The following EMG1 variants were observed in gnomAD, a reference collection of about 807,000 sequenced individuals.
EMG1 encodes ribosomal RNA small subunit methyltransferase NEP1.
EMG1 carries 24 observed loss-of-function variants against 26.9 expected under a neutral mutation model. The ratio of observed to expected loss-of-function variants is 0.89; its 90% CI spans 0.65 to 1.26. EMG1 has a LOEUF of 1.26. Among genes scored for constraint, EMG1 ranks in the 50% most tolerant of loss-of-function variants. The pLI is 0.00. For synonymous variants in EMG1, 140 were observed against 112.6 expected (o/e 1.24, Z -1.54); for missense variants, 299 against 307.6 (o/e 0.97, Z 0.21).
chr12:6,974,979 A>G, intron 3 of EMG1, 111 bp from the exon 4 acceptor site: 5 of 1,107,210 alleles, frequency 4.5e-6, no homozygotes, highest in Non-Finnish European at 5.5e-6. Flanking sequence ...TCCAGTCTAG[A>G]TATAAAGCAC....
downstream of EMG1, chr12:6,980,867 G>T: frequency 1.4e-6 from 1 of 707,802 alleles, no homozygotes; most frequent in Non-Finnish European, 2.2e-6. Flanking sequence ...GGCACAGAGT[G>T]CCTGTTACAA....
chr12:6,981,953 C>T (rs782572781), downstream of EMG1: 17 of 957,194 alleles, frequency 1.8e-5, no homozygotes, highest in Middle Eastern at 2.1e-4. Context: ...ATTTCTTCTC[C>T]TTGCTCTGAA....
At chr12:6,985,860 C>T (rs1175823348) in intron 6 of EMG1, among the ~76,000 whole-genome samples, 3 of 151,144 alleles carry the variant, frequency 2.0e-5, no homozygotes, top group Non-Finnish European at 3.0e-5. Flanking sequence ...CTGCAACCTC[C>T]GGCCCCTAGG....
downstream of EMG1, chr12:6,983,027 A>G: frequency 1.7e-6 from 1 of 586,112 alleles, no homozygotes; most frequent in Non-Finnish European, 3.2e-6. Context: ...TGTTGTCCAG[A>G]CTTGAGTGCA....
intron 7 of EMG1, among the ~76,000 whole-genome samples, chr12:6,994,497 C>T (rs781939666): frequency 4.0e-5 from 6 of 151,840 alleles, no homozygotes; most frequent in Non-Finnish European, 5.9e-5. Flanking sequence ...CGTGAGCCAC[C>T]GGGCTGTTGC....
At chr12:6,995,426 A>T (rs1946628241) in intron 7 of EMG1, among the ~76,000 whole-genome samples, 1 of 151,400 alleles carries the variant, frequency 6.6e-6, no homozygotes, top group South Asian at 2.1e-4. Flanking sequence ...GTGAGCTGAG[A>T]TCGTCTCACT....
At chr12:6,985,772 T>C (rs1191090972) in intron 6 of EMG1, among the ~76,000 whole-genome samples, 12 of 126,898 alleles carry the variant, frequency 9.5e-5, no homozygotes, top group African/African-American at 4.1e-4. Flanking sequence ...TCAACTGGTG[T>C]TTTTTTTTTT....
intron 1 of EMG1, 63 bp from the exon 2 acceptor site, chr12:6,974,273 TGAA>T (rs2138320562): frequency 1.6e-6 from 2 of 1,246,950 alleles, no homozygotes; most frequent in South Asian, 1.3e-5. Flanking sequence ...GGACCACACT[TGAA>T]GAACCACGGG....
chr12:6,990,761 A>G (rs1056066258), downstream of EMG1, among the ~76,000 whole-genome samples: 1 of 150,526 alleles, frequency 6.6e-6, no homozygotes, highest in Non-Finnish European at 1.5e-5. Context: ...TACTAAAAAT[A>G]CAAAAACCAG....
At chr12:6,981,026 T>A, downstream of EMG1, 1 of 1,602,164 alleles carries the variant, frequency 6.2e-7, no homozygotes, top group Non-Finnish European at 8.5e-7. Flanking sequence ...TTTCCTGGTA[T>A]GTCAATCAGC....
At chr12:6,985,252 C>T (rs924395687) in intron 6 of EMG1, among the ~76,000 whole-genome samples, 12 of 151,690 alleles carry the variant, frequency 7.9e-5, no homozygotes, top group South Asian at 2.1e-4. Flanking sequence ...AAAAATTAGC[C>T]GGGTGTGGTG....
rs1239169493 is a variant in EMG1 at position 6,971,162 on chromosome 12, C to T, written c.168+71C>T. 11 of 1,302,442 alleles carry T rather than the reference C, an allele frequency of 8.4e-6. No individual in the cohort carries two copies. The African/African-American group carries it at 8.7e-5, about 10-fold the overall frequency. The allele number at this position is 1,302,442 out of a possible 1,614,324, so 80.7% of individuals were successfully genotyped here. A position where few individuals can be genotyped will look rare whatever the true frequency, so the allele number is the denominator to read the frequency against. On this transcript the variant is annotated intron_variant, in intron 1 of 5. Coordinates refer to ENST00000599672, the MANE Select transcript of EMG1 (RefSeq NM_006331.8). ...GACTCCGTGGAATGAGGGTAAGGGG[C>T]CCAGAGTGGATGTAGAAAGCAGAGA...
At chr12:6,982,586 T>A, downstream of EMG1, 10 of 936,944 alleles carry the variant, frequency 1.1e-5, no homozygotes, top group Non-Finnish European at 1.7e-5. Flanking sequence ...AAATTAGGTC[T>A]GCTAATTTCT....
intron 1 of EMG1, among the ~76,000 whole-genome samples, chr12:6,971,380 TCTC>T (rs1173070927): frequency 6.6e-6 from 1 of 151,844 alleles, no homozygotes; most frequent in Non-Finnish European, 1.5e-5. Context: ...TTCAAACAGT[TCTC>T]CTGACTCAGC....
downstream of EMG1, among the ~76,000 whole-genome samples, chr12:6,992,783 G>A (rs1326093243): frequency 6.6e-6 from 1 of 151,956 alleles, no homozygotes. Context: ...GTTATCTCTT[G>A]GTGTCCATGA....
chr12:6,978,115 C>T lies in EMG1; in HGVS notation c.*2306C>T, dbSNP rs1946429780. On this transcript the variant is annotated 3_prime_UTR_variant, in exon 6 of 6. Coordinates refer to ENST00000599672, the MANE Select transcript of EMG1 (RefSeq NM_006331.8). Reference sequence around the variant, plus strand: ...AAGTCCATTGGCAGAGCTGGAGTAACACCCAGGTCTTAACGCACTTTTATA... The same window carrying T: ...AAGTCCATTGGCAGAGCTGGAGTAATACCCAGGTCTTAACGCACTTTTATA... 2 of 582,360 alleles carry T rather than the reference C, an allele frequency of 3.4e-6. No individual in the cohort carries two copies. The highest frequency in any genetic ancestry group is 4.4e-5 in the South Asian group (2 of 45,808). 36.1% of individuals were successfully genotyped at this position (582,360 alleles called of 1,614,324 possible). A position where few individuals can be genotyped will look rare whatever the true frequency, so the allele number is the denominator to read the frequency against.
At chr12:6,972,236 A>C (rs1404097451) in intron 1 of EMG1, among the ~76,000 whole-genome samples, 1 of 152,142 alleles carries the variant, frequency 6.6e-6, no homozygotes, top group Non-Finnish European at 1.5e-5. Context: ...TATTAAAAGA[A>C]TAGAAAACAT....
At position 6,977,893 on chromosome 12, in the gene EMG1, CTGAT is replaced by C. The variant is rs1946426374; in HGVS notation, c.*2086_*2089del. On this transcript the variant is annotated 3_prime_UTR_variant, in exon 6 of 6. Transcript: ENST00000599672. This position sits in a 1 kb window ranked among gnomAD's most constrained non-coding sequence, Gnocchi z 4.5. The stretch of plus-strand genomic sequence containing the variant: ...CAGAGGGTACAGGAGGCAGTGCTGA[CTGAT>C]TACTTTTAGAGATGGAAAGCAGACC... 2.2e-6 allele frequency: 2 copies of C among 900,472 alleles called. No individual in the cohort carries two copies. The highest frequency in any genetic ancestry group is 3.4e-6 in the Non-Finnish European group (2 of 585,728). 55.8% of individuals were successfully genotyped at this position (900,472 alleles called of 1,614,324 possible). A position where few individuals can be genotyped will look rare whatever the true frequency, so the allele number is the denominator to read the frequency against.
chr12:6,982,033 A>G, downstream of EMG1: 4 of 625,492 alleles, frequency 6.4e-6, no homozygotes, highest in East Asian at 1.1e-4. Flanking sequence ...ATTCCTACAA[A>G]TGGAGGTGCT....
Sources: gnomAD v4.1 joint callset for allele counts (sites outside exome capture counted in the v4.1 genomes callset) on GRCh38, gnomAD v4.1.1 for gene constraint, Gnocchi (gnomAD v3.1) non-coding constraint, MANE v1.5 for transcripts, NCBI Gene and HGNC (gene_info 2026-07-23, HGNC 2026-07-21) for gene names.